Variants in GMDS observed in about 807,000 individuals in gnomAD.
The protein encoded by GMDS is GDP-mannose 4,6 dehydratase.
In GMDS, 20 loss-of-function variants were observed where a neutral mutation model predicts 49.9. The ratio of observed to expected loss-of-function variants is 0.40; its 90% confidence interval spans 0.28 to 0.58. The LOEUF is 0.58. Among genes scored for constraint, GMDS ranks in the 20% least tolerant of loss-of-function variants. The probability of loss-of-function intolerance (pLI) is 0.42; values close to 1 mark genes in which losing one functional copy is unlikely to be tolerated. For missense variants in GMDS, 362 were observed against 481.4 expected, an observed-to-expected ratio of 0.75 and a Z score of 2.32; for synonymous variants, 177 against 178.6, an observed-to-expected ratio of 0.99 and a Z score of 0.07.
chr6:1,856,927 G>T (rs991454066), intron 7 of GMDS, among the ~76,000 whole-genome samples: 1 of 152,298 alleles, frequency 6.6e-6, no homozygotes, highest in Non-Finnish European at 1.5e-5. Context: ...TTGCTGGAAG[G>T]ACACCTTGTG....
chr6:1,844,820 G>T (rs1757315348), intron 7 of GMDS, among the ~76,000 whole-genome samples: 1 of 152,186 alleles, frequency 6.6e-6, no homozygotes, highest in Non-Finnish European at 1.5e-5. Flanking sequence ...TTATAAATAG[G>T]TTAGCTTCTT....
intron 9 of GMDS, among the ~76,000 whole-genome samples, chr6:1,696,285 A>AGG (rs1765338216): frequency 6.6e-6 from 1 of 152,236 alleles, no homozygotes; most frequent in Non-Finnish European, 1.5e-5. Context: ...CTTTTCCCGA[A>AGG]GAGCGCAGTC....
At chr6:2,213,563 G>A (rs1780170025) in intron 1 of GMDS, among the ~76,000 whole-genome samples, 2 of 152,190 alleles carry the variant, frequency 1.3e-5, no homozygotes, top group African/African-American at 2.4e-5. Flanking sequence ...TGGGGTGAAG[G>A]AGGGGCACAT....
At chr6:1,924,087 G>C (rs1761868502) in intron 7 of GMDS, among the ~76,000 whole-genome samples, 2 of 152,200 alleles carry the variant, frequency 1.3e-5, no homozygotes. Flanking sequence ...CAATAGCATA[G>C]GTTCGGCAAG....
At chr6:1,982,073 G>C (rs147193746) in intron 4 of GMDS, among the ~76,000 whole-genome samples, 4,155 of 152,248 alleles carry the variant, frequency 0.027, 199 homozygotes, top group African/African-American at 0.094. Flanking sequence ...GGGAGGCTGA[G>C]GCGGGTGGAT....
At chr6:2,016,670 A>G (rs1767919906) in intron 4 of GMDS, among the ~76,000 whole-genome samples, 1 of 152,198 alleles carries the variant, frequency 6.6e-6, no homozygotes, top group South Asian at 2.1e-4. Flanking sequence ...AGACTATAAA[A>G]TGGACCAAAA....
chr6:2,056,481 G>A (rs2127442315), intron 4 of GMDS, among the ~76,000 whole-genome samples: 1 of 152,294 alleles, frequency 6.6e-6, no homozygotes, highest in Non-Finnish European at 1.5e-5. Flanking sequence ...GACTCTGACA[G>A]ATGTAAAAGA....
chr6:2,031,777 C>T (rs375162790), intron 4 of GMDS, among the ~76,000 whole-genome samples: 1 of 152,140 alleles, frequency 6.6e-6, no homozygotes, highest in East Asian at 1.9e-4. Flanking sequence ...GCAAGCCTGG[C>T]GGGTACCTTA....
At chr6:1,841,791 G>T (rs1354259420) in intron 7 of GMDS, among the ~76,000 whole-genome samples, 1 of 152,176 alleles carries the variant, frequency 6.6e-6, no homozygotes, top group Admixed American at 6.5e-5. Context: ...TGACACAGGT[G>T]GTTCCAGTGG....
chr6:2,184,614 C>T (rs1202321102), intron 1 of GMDS, among the ~76,000 whole-genome samples: 3 of 152,188 alleles, frequency 2.0e-5, no homozygotes, highest in Non-Finnish European at 4.4e-5. Flanking sequence ...CTCTCTAGCA[C>T]GGTGCTTCCC....
At chr6:2,100,591 A>G (rs1773864028) in intron 4 of GMDS, among the ~76,000 whole-genome samples, 1 of 152,058 alleles carries the variant, frequency 6.6e-6, no homozygotes, top group African/African-American at 2.4e-5. Context: ...GGCAACAAAC[A>G]TATGCCTTTA....
intron 7 of GMDS, among the ~76,000 whole-genome samples, chr6:1,906,343 C>G (rs1313549206): frequency 1.3e-5 from 2 of 152,166 alleles, no homozygotes; most frequent in East Asian, 1.9e-4. Context: ...GTGCAGTGAG[C>G]CTTTGCACCA....
At position 1,678,745 on chromosome 6, in the gene GMDS, A is replaced by G. The variant is rs76877375; in HGVS notation, c.987+47671T>C. Among the ~76,000 whole-genome samples the G allele has an allele frequency of 1.0e-3, 157 of 152,304 alleles. 1 individual carries two copies. In the East Asian group the frequency reaches 0.025, roughly 24 times the overall value. ...ATAAACTTTGTAATTATCTTTCCAC[A>G]TGACACATTTATAAATTCCTGTAAT... On this transcript the variant is annotated intron_variant, in intron 9 of 10. Transcript: ENST00000380815.
rs947796254 is a variant in GMDS at position 1,635,677 on chromosome 6, G to C, written c.988-11137C>G. Among the ~76,000 whole-genome samples, 4 of 152,182 alleles carry C rather than the reference G, an allele frequency of 2.6e-5. No individual in the cohort carries two copies. In the East Asian group the frequency reaches 7.7e-4, roughly 29 times the overall value. On this transcript the variant is annotated intron_variant, in intron 9 of 10. Coordinates refer to ENST00000380815, the MANE Select transcript of GMDS (RefSeq NM_001500.4). The surrounding 1 kb of genome is among the most constrained non-coding windows in gnomAD (Gnocchi z 4.7). ...TGTGCAAAGCCCACCGGGGGGTGTG[G>C]CCCTCAAGTCTGCAGATGCAAACGA... is the stretch of plus-strand genomic sequence containing the variant.
chr6:1,795,022 TC>T (rs1262711772), intron 7 of GMDS, among the ~76,000 whole-genome samples: 2 of 152,022 alleles, frequency 1.3e-5, no homozygotes, highest in African/African-American at 4.8e-5. Flanking sequence ...AAGCCCCATC[TC>T]TACAAAACAA....
chr6:1,653,240 A>G (rs1362867704), intron 9 of GMDS, among the ~76,000 whole-genome samples: 1 of 152,214 alleles, frequency 6.6e-6, no homozygotes, highest in African/African-American at 2.4e-5. Context: ...CCATGACCAC[A>G]TATACTTCAC....
chr6:2,127,699 A>T (rs1775526924), intron 1 of GMDS, among the ~76,000 whole-genome samples: 2 of 152,236 alleles, frequency 1.3e-5, no homozygotes, highest in Non-Finnish European at 2.9e-5. Context: ...TCCCCAGCCC[A>T]GGGGGCCCAG....
At chr6:1,905,804 G>T (rs1760741674) in intron 7 of GMDS, among the ~76,000 whole-genome samples, 1 of 107,398 alleles carries the variant, frequency 9.3e-6, no homozygotes, top group Non-Finnish European at 2.0e-5. Flanking sequence ...GTGGGTGCTG[G>T]CTTGTAGGTG....
intron 7 of GMDS, among the ~76,000 whole-genome samples, chr6:1,763,942 G>A (rs1768252661): frequency 6.6e-6 from 1 of 152,130 alleles, no homozygotes. Context: ...CGATCCACTG[G>A]AGCTGAGGCA....
Sources: gnomAD v4.1 joint callset for allele counts (sites outside exome capture counted in the v4.1 genomes callset) on GRCh38, gnomAD v4.1.1 for gene constraint, Gnocchi (gnomAD v3.1) non-coding constraint, MANE v1.5 for transcripts, NCBI Gene and HGNC (gene_info 2026-07-23, HGNC 2026-07-21) for gene names.